CNIH3: variants seen among roughly 807,000 people sequenced by gnomAD.
CNIH3 encodes protein cornichon homolog 3.
A neutral mutation model predicts 24.1 loss-of-function variants in CNIH3; 14 were observed. That is an observed-to-expected ratio of 0.58 (90% CI 0.38 to 0.91). CNIH3 has a LOEUF of 0.91. Among genes scored for constraint, CNIH3 ranks in the 40% least tolerant of loss-of-function variants. The probability of loss-of-function intolerance (pLI) is 0.00; values close to 1 mark genes in which losing one functional copy is unlikely to be tolerated. For missense variants in CNIH3, 178 were observed against 196.8 expected (o/e 0.90, Z 0.57); for synonymous variants, 68 against 73.8 (o/e 0.92, Z 0.40).
chr1:224,570,064 T>G (rs1045619520), intron 4 of CNIH3, among the ~76,000 whole-genome samples: 1 of 152,132 alleles, frequency 6.6e-6, no homozygotes. Flanking sequence ...GATTACAGGC[T>G]TGAGCCACTG....
intron 3 of CNIH3, among the ~76,000 whole-genome samples, chr1:224,721,551 A>C (rs1306585636): frequency 6.6e-6 from 1 of 152,200 alleles, no homozygotes; most frequent in African/African-American, 2.4e-5. Context: ...AATCTTAGGT[A>C]GTTCAGTAAT....
chr1:224,675,804 C>T (rs1222670376), intron 1 of CNIH3, among the ~76,000 whole-genome samples: 1 of 152,170 alleles, frequency 6.6e-6, no homozygotes, highest in African/African-American at 2.4e-5. Context: ...GACTAAAAAA[C>T]CAAAACTAGG....
downstream of CNIH3, among the ~76,000 whole-genome samples, chr1:224,540,213 G>T (rs558873514): frequency 1.1e-4 from 16 of 152,286 alleles, no homozygotes; most frequent in East Asian, 3.1e-3. Context: ...GTTTCATTTT[G>T]CTCCTGTGGT....
chr1:224,571,488 G>T (rs1484338779), intron 4 of CNIH3, among the ~76,000 whole-genome samples: 1 of 152,144 alleles, frequency 6.6e-6, no homozygotes, highest in South Asian at 2.1e-4. Flanking sequence ...ACTTTGGGAG[G>T]CTGAGGTGGA....
rs573504027 is a variant in CNIH3 at position 224,669,130 on chromosome 1, C to T, written c.82-11828C>T. 1.1e-4 allele frequency among the ~76,000 whole-genome samples: 16 copies of T among 152,284 alleles called. No homozygotes were observed. The East Asian group carries it at 1.2e-3, about 11-fold the overall frequency. ...GATGGCTGCTGGCTGGAGTTGAGGA[C>T]GGCTGTGCTGTCACCTGAAGCGAGT... is the stretch of plus-strand genomic sequence containing the variant. On this transcript the variant is annotated intron_variant, in intron 1 of 5. Transcript: ENST00000272133.
At chr1:224,434,693 C>CGGCGGCGGCGGCGGGCGGCAGCGGA (rs1674559391) in exon 1 of CNIH3, 1 of 914,574 alleles carries the variant, frequency 1.1e-6, no homozygotes, top group African/African-American at 1.8e-5. Context: ...GTGGCTGCGG[C>CGGCGGCGGCGGCGGGCGGCAGCGGA]GGCGGCGGCG....
chr1:224,463,773 A>ATTTTTTTTTTTTT lies in CNIH3; in HGVS notation n.203+28935_203+28947dup, dbSNP rs56137320. Among the ~76,000 whole-genome samples the ATTTTTTTTTTTTT allele has an allele frequency of 1.4e-4, 3 of 20,730 alleles. 1 individual carries two copies. The highest frequency in any genetic ancestry group is 5.1e-4 in the African/African-American group (2 of 3,912). 13.6% of individuals were successfully genotyped at this position (20,730 alleles called of 152,430 possible). A position where few individuals can be genotyped will look rare whatever the true frequency, so the allele number is the denominator to read the frequency against. Reference sequence around the variant, plus strand: ...TTCTCCCAGCTTATGAATTGTCCTCATTTTTTTTTTTTTTTTTTTTTTTTT... The same window carrying ATTTTTTTTTTTTT: ...TTCTCCCAGCTTATGAATTGTCCTCATTTTTTTTTTTTTTTTTTTTTTTTTTTTTTTTTTTTTT... On this transcript the variant is annotated intron_variant and non_coding_transcript_variant, in intron 1 of 5. Coordinates refer to the CNIH3 transcript ENST00000471578.
At chr1:224,606,142 A>AC (rs34961495) in intron 3 of CNIH3, among the ~76,000 whole-genome samples, 3 of 149,376 alleles carry the variant, frequency 2.0e-5, no homozygotes, top group African/African-American at 4.9e-5. Context: ...GGTACTTGCG[A>AC]CCCCCCCAGA....
intron 2 of CNIH3, among the ~76,000 whole-genome samples, chr1:224,534,848 C>T (rs912057538): frequency 8.5e-5 from 13 of 152,172 alleles, no homozygotes; most frequent in South Asian, 2.1e-4. Flanking sequence ...GAACAAGTCC[C>T]GGAGGTTGGT....
intron 1 of CNIH3, among the ~76,000 whole-genome samples, chr1:224,500,342 A>G (rs1469715988): frequency 2.0e-5 from 3 of 152,140 alleles, no homozygotes; most frequent in Non-Finnish European, 4.4e-5. Flanking sequence ...ATGGTCCCAA[A>G]ATGGTTGCCA....
At chr1:224,630,351 T>G (rs954643884) in intron 1 of CNIH3, among the ~76,000 whole-genome samples, 1 of 152,072 alleles carries the variant, frequency 6.6e-6, no homozygotes, top group Non-Finnish European at 1.5e-5. Context: ...AGCTGGGGGT[T>G]GTTGGGGGCA....
chr1:224,654,866 T>A (rs1486241664), intron 1 of CNIH3, among the ~76,000 whole-genome samples: 1 of 152,196 alleles, frequency 6.6e-6, no homozygotes, highest in East Asian at 1.9e-4. Flanking sequence ...GTTGAAAACT[T>A]TGATCGGCCG....
In CNIH3 at chr1:224,616,867, C is replaced by A; in HGVS notation, c.-308C>A. Reference sequence around the variant, plus strand: ...TGGTCTCGAGGGGCTCACAGCTTGGCACTAATTTGCAGGTGTTCGCTGCTG... The same window carrying A: ...TGGTCTCGAGGGGCTCACAGCTTGGAACTAATTTGCAGGTGTTCGCTGCTG... On this transcript the variant is annotated 5_prime_UTR_variant, in exon 1 of 6. Transcript: ENST00000272133. 2 of 1,214,876 alleles carry A rather than the reference C, an allele frequency of 1.6e-6. No homozygotes were observed. Among genetic ancestry groups the A allele is most frequent in the Non-Finnish European group, 1.0e-6 (1 of 974,780 alleles). The allele number at this position is 1,214,876 out of a possible 1,614,324, so 75.3% of individuals were successfully genotyped here.
At chr1:224,435,555 C>G (rs1674617032) in intron 1 of CNIH3, among the ~76,000 whole-genome samples, 2 of 152,198 alleles carry the variant, frequency 1.3e-5, no homozygotes, top group African/African-American at 4.8e-5. Context: ...CTCCTTCTCT[C>G]TTCCAGCTGC....
rs377367522 is a variant in CNIH3 at position 224,552,014 on chromosome 1, C to A, written n.450+5075C>A. Reference sequence around the variant, plus strand: ...ACACGGGTTGTACTCCCTCTGTGTACGCCCCGTGTGATATTAAGAGTAACA... The same window carrying A: ...ACACGGGTTGTACTCCCTCTGTGTAAGCCCCGTGTGATATTAAGAGTAACA... On this transcript the variant is annotated intron_variant and non_coding_transcript_variant, in intron 3 of 5. Transcript: ENST00000471578. Among the ~76,000 whole-genome samples, 4 of 151,456 alleles carry A rather than the reference C, an allele frequency of 2.6e-5. No homozygotes were observed. In the East Asian group the frequency reaches 5.9e-4, roughly 22 times the overall value.
At chr1:224,723,596 A>G (rs959801702) in intron 3 of CNIH3, among the ~76,000 whole-genome samples, 4 of 152,244 alleles carry the variant, frequency 2.6e-5, no homozygotes, top group Admixed American at 1.3e-4. Context: ...GGGCCTCCCC[A>G]GGCCAGGAGG....
In CNIH3 at chr1:224,575,083, C is replaced by A. The variant is rs566599137; in HGVS notation, n.517-8081C>A. 14 of 872,182 alleles carry A rather than the reference C, an allele frequency of 1.6e-5. No homozygotes were observed. In the Admixed American group the frequency reaches 2.0e-4, roughly 13 times the overall value. 54.0% of individuals were successfully genotyped at this position (872,182 alleles called of 1,614,324 possible). A position where few individuals can be genotyped will look rare whatever the true frequency, so the allele number is the denominator to read the frequency against. On this transcript the variant is annotated intron_variant and non_coding_transcript_variant, in intron 4 of 5. Transcript: ENST00000471578. ...GTGACTGCCTACAGCTCCTTCAGCT[C>A]CCCCGACAGGCCCTGGGCCAAGCCT...
chr1:224,605,040 A>G (rs1421973922), intron 3 of CNIH3, among the ~76,000 whole-genome samples: 1 of 152,184 alleles, frequency 6.6e-6, no homozygotes, highest in Admixed American at 6.5e-5. Flanking sequence ...GAGTAGGCAA[A>G]AAAGGCTAAA....
intron 1 of CNIH3, among the ~76,000 whole-genome samples, chr1:224,486,325 C>CTGT (rs1677029575): frequency 6.6e-6 from 1 of 151,866 alleles, no homozygotes; most frequent in South Asian, 2.1e-4. Context: ...GTTACCCAGG[C>CTGT]TGTTCTCAAA....
Sources: gnomAD v4.1 joint callset for allele counts (sites outside exome capture counted in the v4.1 genomes callset) on GRCh38, gnomAD v4.1.1 for gene constraint, MANE v1.5 for transcripts, NCBI Gene and HGNC (gene_info 2026-07-23, HGNC 2026-07-21) for gene names.